Variants in CDH12 observed in about 807,000 individuals in gnomAD.
CDH12 encodes the protein cadherin-12.
A neutral mutation model predicts 74.1 loss-of-function variants in CDH12; 41 were observed. The observed-to-expected ratio is 0.55, with a 90% CI of 0.43 to 0.72. CDH12 has a LOEUF of 0.72. CDH12 is among the 30% of genes least tolerant of loss of function. The probability of loss-of-function intolerance (pLI) is 0.00; values close to 1 mark genes in which losing one functional copy is unlikely to be tolerated. For missense variants in CDH12, 945 were observed against 977.2 expected, an observed-to-expected ratio of 0.97 and a Z score of 0.44; for synonymous variants, 399 against 355.0, an observed-to-expected ratio of 1.12 and a Z score of -1.39.
intron 11 of CDH12, among the ~76,000 whole-genome samples, chr5:21,775,647 C>CT (rs973227388): frequency 6.6e-6 from 1 of 151,794 alleles, no homozygotes; most frequent in Non-Finnish European, 1.5e-5. Context: ...TGATGATTTT[C>CT]TTTTTTTTAA....
At chr5:22,612,479 T>G (rs1737457437) in intron 1 of CDH12, among the ~76,000 whole-genome samples, 1 of 152,172 alleles carries the variant, frequency 6.6e-6, no homozygotes, top group Admixed American at 6.6e-5. Flanking sequence ...TGATTCTCTA[T>G]CTTTCTAAAT....
At chr5:21,812,084 A>T (rs1747775639) in intron 9 of CDH12, among the ~76,000 whole-genome samples, 2 of 152,110 alleles carry the variant, frequency 1.3e-5, no homozygotes, top group Admixed American at 1.3e-4. Flanking sequence ...GATTTTGAAG[A>T]TAAAACAGTA....
chr5:22,042,114 T>C (rs531556834), intron 5 of CDH12, among the ~76,000 whole-genome samples: 2 of 150,820 alleles, frequency 1.3e-5, no homozygotes, highest in Admixed American at 1.3e-4. Context: ...CAAATGAAAA[T>C]GGAACGACAA....
At chr5:22,085,829 G>A (rs1175472477) in intron 4 of CDH12, among the ~76,000 whole-genome samples, 1 of 152,052 alleles carries the variant, frequency 6.6e-6, no homozygotes, top group Non-Finnish European at 1.5e-5. Flanking sequence ...CATAAATTAA[G>A]CTTTCTGCTT....
chr5:22,361,321 C>T (rs903063608), intron 3 of CDH12, among the ~76,000 whole-genome samples: 12 of 152,094 alleles, frequency 7.9e-5, no homozygotes, highest in Non-Finnish European at 1.6e-4. Flanking sequence ...GAGTGAACTC[C>T]CATTCACAAT....
intron 6 of CDH12, among the ~76,000 whole-genome samples, chr5:21,857,182 A>G (rs1391991781): frequency 6.6e-6 from 1 of 151,858 alleles, no homozygotes. Flanking sequence ...AACACTAAAT[A>G]CCCAGGAGGT....
At chr5:21,995,839 C>A (rs573745998) in intron 5 of CDH12, among the ~76,000 whole-genome samples, 4 of 152,082 alleles carry the variant, frequency 2.6e-5, no homozygotes, top group Admixed American at 1.3e-4. Flanking sequence ...ACAACTACTG[C>A]TGTATTTTTA....
chr5:22,246,949 T>G (rs1752966437), intron 3 of CDH12, among the ~76,000 whole-genome samples: 1 of 152,218 alleles, frequency 6.6e-6, no homozygotes, highest in African/African-American at 2.4e-5. Context: ...GGATAACGTT[T>G]CATATTCTAA....
At chr5:22,461,392 C>A (rs567424859) in intron 2 of CDH12, among the ~76,000 whole-genome samples, 37 of 150,646 alleles carry the variant, frequency 2.5e-4, no homozygotes, top group Admixed American at 9.3e-4. Flanking sequence ...AGAGAATAAT[C>A]ATTTTACTAC....
chr5:21,926,158 T>C (rs182558239), intron 6 of CDH12, among the ~76,000 whole-genome samples: 1 of 152,266 alleles, frequency 6.6e-6, no homozygotes, highest in East Asian at 1.9e-4. Flanking sequence ...CAGGAAGCTA[T>C]AGGTTTTCGG....
intron 1 of CDH12, among the ~76,000 whole-genome samples, chr5:22,658,474 A>C (rs268973): frequency 0.14 from 20,852 of 152,038 alleles, 1,546 homozygotes; most frequent in African/African-American, 0.19. Context: ...ATTTAAATTA[A>C]ATTTAAATTA....
intron 2 of CDH12, among the ~76,000 whole-genome samples, chr5:22,436,279 G>A (rs1165842454): frequency 4.3e-4 from 6 of 13,900 alleles, no homozygotes; most frequent in African/African-American, 1.4e-3. Flanking sequence ...TGGGGTAGGG[G>A]GAGGGGGGAG....
chr5:22,036,054 A>G (rs998106184), intron 5 of CDH12, among the ~76,000 whole-genome samples: 1 of 152,170 alleles, frequency 6.6e-6, no homozygotes, highest in Non-Finnish European at 1.5e-5. Context: ...AGGGCCATTA[A>G]CTGTCTTGTA....
rs533347054 is a variant in CDH12, at chr5:22,639,435, T to C, written c.-522-134071A>G. Among the ~76,000 whole-genome samples the C allele has an allele frequency of 1.9e-3, 276 of 146,178 alleles. 2 individuals are homozygous for C. The East Asian group carries it at 0.025, about 13-fold the overall frequency. On this transcript the variant is annotated intron_variant, in intron 1 of 14. Transcript: ENST00000382254. ...TGATATTTAAGCTTTTCTTCTTCTT[T>C]TTTTTTTTTTTTTTTCAAATTTTCA...
intron 1 of CDH12, among the ~76,000 whole-genome samples, chr5:22,574,907 C>T (rs1376006946): frequency 6.6e-6 from 1 of 151,738 alleles, no homozygotes; most frequent in Non-Finnish European, 1.5e-5. Context: ...CTTCACATTC[C>T]CAATATGTGA....
chr5:22,846,548 A>C (rs1581058086), intron 1 of CDH12, among the ~76,000 whole-genome samples: 1 of 152,200 alleles, frequency 6.6e-6, no homozygotes, highest in African/African-American at 2.4e-5. Flanking sequence ...AGAAACTAAT[A>C]AAGAAAAAGC....
At chr5:22,515,264 A>G (rs1736758654) in intron 1 of CDH12, among the ~76,000 whole-genome samples, 1 of 152,122 alleles carries the variant, frequency 6.6e-6, no homozygotes, top group African/African-American at 2.4e-5. Context: ...AAAGAATTCC[A>G]GGTAAAAGGA....
chr5:22,353,856 C>A (rs1740455163), intron 3 of CDH12, among the ~76,000 whole-genome samples: 1 of 152,124 alleles, frequency 6.6e-6, no homozygotes, highest in African/African-American at 2.4e-5. Flanking sequence ...AATTGCAATG[C>A]ATCAAGTGTC....
chr5:22,771,975 T>C (rs1034092013), intron 1 of CDH12, among the ~76,000 whole-genome samples: 1 of 152,096 alleles, frequency 6.6e-6, no homozygotes, highest in South Asian at 2.1e-4. Flanking sequence ...CTGAAGAACA[T>C]TGACAACTAT....
Sources: allele counts gnomAD v4.1 joint callset (sites outside exome capture counted in the v4.1 genomes callset), GRCh38; gene constraint gnomAD v4.1.1; transcripts MANE v1.5; gene names NCBI Gene and HGNC (gene_info 2026-07-23, HGNC 2026-07-21).